The following ZNF320 variants were observed in gnomAD, a reference collection of about 807,000 sequenced individuals.
ZNF320 encodes zinc finger gene 320.
A neutral mutation model predicts 6.8 loss-of-function variants in ZNF320; 2 were observed. That is an observed-to-expected ratio of 0.29 (90% CI 0.12 to 0.93). The LOEUF (loss-of-function observed/expected upper bound fraction) is 0.93, where lower values mean the gene tolerates loss of function less well. Ranked by LOEUF, ZNF320 falls within the 40% of genes least tolerant of loss-of-function variation. ZNF320 has a pLI of 0.55. For synonymous variants in ZNF320, 208 were observed against 203.2 expected (o/e 1.02, Z -0.20); for missense variants, 472 against 611.0 (o/e 0.77, Z 2.40).
At chr19:52,885,830 G>A (rs751837725) in intron 5 of ZNF320, among the ~76,000 whole-genome samples, 10 of 151,946 alleles carry the variant, frequency 6.6e-5, no homozygotes, top group Admixed American at 1.3e-4. Context: ...TGGTTGAACC[G>A]GGGAGGTGGA....
chr19:52,896,875 C>T (rs1336807083), intron 1 of ZNF320, among the ~76,000 whole-genome samples: 1 of 152,216 alleles, frequency 6.6e-6, no homozygotes, highest in Non-Finnish European at 1.5e-5. Context: ...CCTCCTCCTT[C>T]CACCACGTCT....
intron 5 of ZNF320, 141 bp from the exon 6 acceptor site, chr19:52,882,124 AG>A (rs1262315285): frequency 3.5e-6 from 3 of 854,002 alleles, no homozygotes; most frequent in African/African-American, 1.7e-5. Context: ...ACACAAAACA[AG>A]TAAGATTCTT....
upstream of ZNF320, among the ~76,000 whole-genome samples, chr19:52,899,481 G>A (rs895906420): frequency 1.3e-5 from 2 of 151,704 alleles, no homozygotes; most frequent in Non-Finnish European, 2.9e-5. Flanking sequence ...TCTTTTTTTG[G>A]TGATGGAGTC....
At chr19:52,903,810 C>A in the ZNF320 span, among the ~76,000 whole-genome samples, 5 of 151,860 alleles carry the variant, frequency 3.3e-5, no homozygotes, top group African/African-American at 4.8e-5. Context: ...TATACCAAAC[C>A]AAAATCATGA....
At chr19:52,865,970 A>G (rs2063555489) in intron 5 of ZNF320, among the ~76,000 whole-genome samples, 2 of 125,062 alleles carry the variant, frequency 1.6e-5, no homozygotes, top group South Asian at 2.3e-4. Flanking sequence ...ATATTTATAT[A>G]TTATACATAT....
intron 5 of ZNF320, among the ~76,000 whole-genome samples, chr19:52,866,869 CAAAAAAAAAA>C (rs58231328): frequency 5.5e-5 from 6 of 108,928 alleles, no homozygotes; most frequent in Admixed American, 2.2e-4. Flanking sequence ...ACAAAACATA[CAAAAAAAAAA>C]AAAAAAAAAA....
At chr19:52,891,407 TA>T (rs2064287173) in intron 2 of ZNF320, 61 bp from the exon 3 acceptor site, 1 of 147,606 alleles carries the variant, frequency 6.8e-6, no homozygotes, top group Non-Finnish European at 1.5e-5. Flanking sequence ...AAAACCTGAG[TA>T]ACATGATAGA....
chr19:52,880,793 C>A lies in ZNF320; in HGVS notation c.1333G>T (p.Asp445Tyr), dbSNP rs1213817324. ...GGTGAATTAAAGGCTTTACCACAAT[C>A]ACCACACTTGTGAGGTTTCTCTCCT... ...HTGEKPHKCGDCGKAFNSPSH... is the reference protein window; with the variant it reads ...HTGEKPHKCGYCGKAFNSPSH... Residue 445 changes from aspartate to tyrosine, a missense_variant, in exon 6 of 6, where the codon GAT becomes TAT. This residue lies in a region of ZNF320 where 462 missense variants were observed against 559.7 expected (regional missense o/e 0.83). Transcript: ENST00000682928. 4 of 1,613,776 alleles carry A rather than the reference C, an allele frequency of 2.5e-6. No individual in the cohort carries two copies. The highest frequency in any genetic ancestry group is 3.4e-6 in the Non-Finnish European group (4 of 1,179,844).
At chr19:52,900,707 CAT>C (rs2064568470), upstream of ZNF320, among the ~76,000 whole-genome samples, 1 of 143,600 alleles carries the variant, frequency 7.0e-6, no homozygotes, top group Non-Finnish European at 1.5e-5. Context: ...GCTTAATTTA[CAT>C]TTTTTTTTTA....
chr19:52,882,797 C>T (rs1023183397), intron 5 of ZNF320, among the ~76,000 whole-genome samples: 2 of 151,968 alleles, frequency 1.3e-5, no homozygotes, highest in South Asian at 2.1e-4. Flanking sequence ...AAAATGTAGC[C>T]GGGCATGGTC....
intron 5 of ZNF320, among the ~76,000 whole-genome samples, chr19:52,867,060 G>T (rs927836612): frequency 6.6e-6 from 1 of 151,624 alleles, no homozygotes; most frequent in East Asian, 1.9e-4. Flanking sequence ...TTGATAAACT[G>T]GGATCAGAGA....
downstream of ZNF320, chr19:52,874,009 C>G (rs775009503): frequency 8.3e-5 from 39 of 467,352 alleles, no homozygotes; most frequent in South Asian, 6.1e-4. Flanking sequence ...AGAGCCATCC[C>G]TGGCTCCTTT....
At chr19:52,904,129 C>G in the ZNF320 span, among the ~76,000 whole-genome samples, 197 of 152,362 alleles carry the variant, frequency 1.3e-3, no homozygotes, top group African/African-American at 4.6e-3. Context: ...TGTCTGGACT[C>G]CAAGTGCCAG....
At chr19:52,875,313 G>A (rs376412700), downstream of ZNF320, among the ~76,000 whole-genome samples, 7 of 152,294 alleles carry the variant, frequency 4.6e-5, no homozygotes, top group African/African-American at 1.7e-4. Context: ...GCAGAGAGCT[G>A]AGGAGACAAC....
intron 5 of ZNF320, among the ~76,000 whole-genome samples, chr19:52,864,476 A>G (rs2147763196): frequency 6.6e-6 from 1 of 152,288 alleles, no homozygotes; most frequent in East Asian, 1.9e-4. Flanking sequence ...GTGCAGTCTC[A>G]GAGATGACAA....
At position 52,880,961 on chromosome 19, in the gene ZNF320, C is replaced by T. The variant is rs1224517360; in HGVS notation, c.1165G>A (p.Glu389Lys). Reference sequence around the variant, plus strand: ...TTTGTACTAAAAACCTTGCCACATTCATTACATGTGTAAGGTCTCTCTCCA... The same window carrying T: ...TTTGTACTAAAAACCTTGCCACATTTATTACATGTGTAAGGTCTCTCTCCA... ...HTGERPYTCN[E>K]CGKVFSTKAY... Residue 389 changes from glutamate (E) to lysine (K), a missense_variant, in exon 6 of 6, where the codon GAA becomes AAA. Physicochemically the swap from Glu to Lys is moderately conservative, Grantham distance 56. Around this residue, in one of 2 missense-constraint regions of ZNF320, gnomAD observed 462 missense variants for 559.7 expected, o/e 0.83. Coordinates refer to ENST00000682928, the MANE Select transcript of ZNF320 (RefSeq NM_001351774.2). 4 of 1,613,584 alleles carry T rather than the reference C, an allele frequency of 2.5e-6. No individual in the cohort carries two copies. Among genetic ancestry groups the T allele is most frequent in the Non-Finnish European group, 2.5e-6 (3 of 1,179,596 alleles).
downstream of ZNF320, among the ~76,000 whole-genome samples, chr19:52,875,074 C>G (rs1349964893): frequency 1.3e-5 from 2 of 152,222 alleles, no homozygotes; most frequent in African/African-American, 2.4e-5. Context: ...TATTTTCTCA[C>G]TCCTTTCATG....
At chr19:52,902,283 C>G (rs780318869), upstream of ZNF320, among the ~76,000 whole-genome samples, 2 of 152,180 alleles carry the variant, frequency 1.3e-5, no homozygotes, top group East Asian at 3.8e-4. Context: ...GGGGCTGATC[C>G]GCAGGGACTT....
intron 5 of ZNF320, among the ~76,000 whole-genome samples, chr19:52,866,247 T>A (rs867033856): frequency 4.2e-5 from 6 of 143,446 alleles, no homozygotes; most frequent in East Asian, 4.0e-4. Context: ...TATATATATA[T>A]AAAATCATAA....
Sources: gnomAD v4.1 joint callset for allele counts (sites outside exome capture counted in the v4.1 genomes callset) on GRCh38, gnomAD v4.1.1 for gene constraint, gnomAD v4.1.1 regional missense constraint, MANE v1.5 for transcripts, NCBI Gene and HGNC (gene_info 2026-07-23, HGNC 2026-07-21) for gene names.